VRK2: variants seen among roughly 807,000 people sequenced by gnomAD.
The protein encoded by VRK2 is serine/threonine-protein kinase VRK2.
Under a neutral mutation model 57.6 loss-of-function variants are expected in VRK2, and 60 were observed. The observed-to-expected ratio is 1.04, with a 90% CI of 0.85 to 1.29. VRK2 has a LOEUF of 1.29. Among genes scored for constraint, VRK2 ranks in the 50% most tolerant of loss-of-function variants. The probability of loss-of-function intolerance (pLI) is 0.00; values close to 1 mark genes in which losing one functional copy is unlikely to be tolerated. For missense variants in VRK2, 705 were observed against 588.1 expected, an observed-to-expected ratio of 1.20 and a Z score of -2.06; for synonymous variants, 231 against 199.2, an observed-to-expected ratio of 1.16 and a Z score of -1.35.
rs371625750 is a variant in VRK2 at position 58,023,179 on chromosome 2, G to C, written c.-438-2486G>C. Among the ~76,000 whole-genome samples, 40 of 152,188 alleles carry C rather than the reference G, an allele frequency of 2.6e-4. 1 individual carries two copies. Among genetic ancestry groups the C allele is most frequent in the African/African-American group, 9.4e-4 (39 of 41,516 alleles). On this transcript the variant is annotated intron_variant, in intron 1 of 15. Transcript: ENST00000417641. The stretch of plus-strand genomic sequence containing the variant: ...TCTGGCAACTACCAACCTCCTTTCT[G>C]TGTGTATGAATTTGACTACTTTAGG...
At chr2:58,046,596 T>C (rs1572829846), upstream of VRK2, 1 of 985,510 alleles carries the variant, frequency 1.0e-6, no homozygotes, top group South Asian at 4.7e-5. Flanking sequence ...CAGCTCCCAT[T>C]CCCCATGTAG....
rs568635875 is a variant in VRK2, at chr2:58,101,051, TAG to T, written c.543+11331_543+11332del. Among the ~76,000 whole-genome samples the T allele has an allele frequency of 4.1e-3, 626 of 151,836 alleles. 7 individuals carry two copies. Among genetic ancestry groups the T allele is most frequent in the African/African-American group, 0.014 (586 of 41,512 alleles). On this transcript the variant is annotated intron_variant, in intron 7 of 12. Transcript: ENST00000340157. ...TGATAGCTATCTGAATATGGGCTAC[TAG>T]AGTCTTATTATTATTGGAGGGTAGT...
At chr2:58,136,939 ATT>A (rs1491221086) in intron 10 of VRK2, among the ~76,000 whole-genome samples, 2 of 135,822 alleles carry the variant, frequency 1.5e-5, no homozygotes, top group South Asian at 2.2e-4. Context: ...TATCATATAT[ATT>A]ATATATCATA....
intron 6 of VRK2, 21 bp from the exon 7 acceptor site, chr2:58,089,605 CTTATT>C: frequency 1.4e-6 from 2 of 1,455,012 alleles, no homozygotes; most frequent in Non-Finnish European, 1.9e-6. Flanking sequence ...AGCAGTAAAC[CTTATT>C]TTATCTATTT....
intron 7 of VRK2, among the ~76,000 whole-genome samples, chr2:58,115,356 T>A (rs1032863571): frequency 5.9e-5 from 9 of 152,194 alleles, no homozygotes; most frequent in African/African-American, 2.2e-4. Context: ...AAGAGTGAGT[T>A]CAGCTGAAGG....
At chr2:58,084,032 G>T (rs910448760) in intron 2 of VRK2, 57 bp from the exon 3 acceptor site, 28 of 1,567,838 alleles carry the variant, frequency 1.8e-5, no homozygotes, top group Non-Finnish European at 2.4e-5. Context: ...GATATGGTAG[G>T]TATTCAGTAA....
At chr2:57,949,373 T>A (rs1046103146) in intron 1 of VRK2, among the ~76,000 whole-genome samples, 2 of 152,212 alleles carry the variant, frequency 1.3e-5, no homozygotes, top group Non-Finnish European at 2.9e-5. Context: ...GTGCTCACTT[T>A]TCTCTGTATC....
chr2:58,131,689 A>G, intron 8 of VRK2, 119 bp from the exon 9 acceptor site: 11 of 1,244,646 alleles, frequency 8.8e-6, no homozygotes, highest in Non-Finnish European at 1.2e-5. Context: ...CTGAACAAAT[A>G]AAACATTTTG....
At chr2:57,935,531 G>A (rs1670877091) in intron 1 of VRK2, among the ~76,000 whole-genome samples, 1 of 152,116 alleles carries the variant, frequency 6.6e-6, no homozygotes, top group African/African-American at 2.4e-5. Flanking sequence ...GCTGGCCTGG[G>A]AGAAGAGGAG....
chr2:58,069,227 G>A (rs562895535), intron 2 of VRK2, among the ~76,000 whole-genome samples: 1 of 152,148 alleles, frequency 6.6e-6, no homozygotes, highest in Non-Finnish European at 1.5e-5. Flanking sequence ...TGTGTTTGGG[G>A]TACAGTGTTC....
At chr2:58,003,626 A>T (rs989369937) in intron 1 of VRK2, among the ~76,000 whole-genome samples, 5 of 152,116 alleles carry the variant, frequency 3.3e-5, no homozygotes, top group African/African-American at 1.2e-4. Context: ...GTTTATCTGA[A>T]ATTTAACTGG....
chr2:58,055,189 T>C (rs1676334626), intron 2 of VRK2, among the ~76,000 whole-genome samples: 1 of 152,176 alleles, frequency 6.6e-6, no homozygotes, highest in African/African-American at 2.4e-5. Flanking sequence ...CATCTTTGAT[T>C]GGCACCTATG....
chr2:57,948,110 G>T (rs977915075), intron 1 of VRK2, among the ~76,000 whole-genome samples: 1 of 152,122 alleles, frequency 6.6e-6, no homozygotes, highest in Non-Finnish European at 1.5e-5. Flanking sequence ...ATGCAAGGAT[G>T]TTTTATATTC....
At chr2:57,964,412 G>A (rs781062131) in intron 1 of VRK2, among the ~76,000 whole-genome samples, 3 of 152,082 alleles carry the variant, frequency 2.0e-5, no homozygotes, top group Non-Finnish European at 4.4e-5. Context: ...GGAAGAGGAG[G>A]AGTTGGTCTT....
chr2:58,034,792 A>C (rs897128929), intron 3 of VRK2, among the ~76,000 whole-genome samples: 4 of 151,038 alleles, frequency 2.6e-5, no homozygotes, highest in Non-Finnish European at 5.9e-5. Flanking sequence ...ACAAAAAACA[A>C]AAAAAAAAAC....
At chr2:58,120,184 C>CTTTTCTTTTTTTTTTTTTTTTTTT (rs1677217985) in intron 7 of VRK2, among the ~76,000 whole-genome samples, 1 of 51,988 alleles carries the variant, frequency 1.9e-5, no homozygotes, top group Non-Finnish European at 3.2e-5. Flanking sequence ...TTTTTCTTTT[C>CTTTTCTTTTTTTTTTTTTTTTTTT]TTTTTTTTTT....
intron 7 of VRK2, among the ~76,000 whole-genome samples, chr2:58,102,680 C>T (rs1479370843): frequency 6.6e-6 from 1 of 151,452 alleles, no homozygotes; most frequent in Non-Finnish European, 1.5e-5. Flanking sequence ...CCACTCACAG[C>T]ACCAGACAGA....
intron 1 of VRK2, among the ~76,000 whole-genome samples, chr2:57,979,827 G>A (rs1408202856): frequency 3.3e-5 from 5 of 152,076 alleles, no homozygotes; most frequent in Admixed American, 3.3e-4. Flanking sequence ...TGTGTGCATG[G>A]AGGTGTTCAT....
intron 8 of VRK2, among the ~76,000 whole-genome samples, chr2:58,125,613 G>C (rs577895845): frequency 1.3e-5 from 2 of 151,706 alleles, no homozygotes; most frequent in Non-Finnish European, 2.9e-5. Context: ...TTTATCAAAG[G>C]TTTTACCAGA....
Sources: gnomAD v4.1 joint callset for allele counts (sites outside exome capture counted in the v4.1 genomes callset) on GRCh38, gnomAD v4.1.1 for gene constraint, MANE v1.5 for transcripts, NCBI Gene and HGNC (gene_info 2026-07-23, HGNC 2026-07-21) for gene names.